The following NTF3 variants were observed in gnomAD, a reference collection of about 807,000 sequenced individuals.
NTF3 encodes neurotrophin 3, also known as neurotrophin-3.
Under a neutral mutation model 26.3 loss-of-function variants are expected in NTF3, and 8 were observed. The observed-to-expected ratio is 0.30, with a 90% CI of 0.18 to 0.55. The LOEUF is 0.55. Ranked by LOEUF, NTF3 falls within the 20% of genes least tolerant of loss-of-function variation. The pLI is 0.93. For synonymous variants in NTF3, 154 were observed against 145.5 expected, an observed-to-expected ratio of 1.06 and a Z score of -0.42; for missense variants, 276 against 352.9, an observed-to-expected ratio of 0.78 and a Z score of 1.75.
rs1281896665 is a variant in NTF3, at chr12:5,481,518, GCA to G, written c.19-12667_19-12666del. 2.5e-4 allele frequency among the ~76,000 whole-genome samples: 3 copies of G among 11,908 alleles called. No individual in the cohort carries two copies. In the Admixed American group the frequency reaches 2.7e-3, roughly 11 times the overall value. The allele number at this position is 11,908 out of a possible 152,430, so 7.8% of individuals were successfully genotyped here. On this transcript the variant is annotated intron_variant, in intron 1 of 1. Coordinates refer to ENST00000423158, the MANE Select transcript of NTF3 (RefSeq NM_001102654.2). ...GATACACAGAATACCACACACACAT[GCA>G]CACACACAGACACATTCACAGAATA...
chr12:5,432,110 T>TGAA lies in NTF3; in HGVS notation c.-215_-214insGAA, dbSNP rs1940098869. On this transcript the variant is annotated 5_prime_UTR_variant, in exon 1 of 2. Coordinates refer to ENST00000423158, the MANE Select transcript of NTF3 (RefSeq NM_001102654.2). ...ACCGCGCAGATTCTGTTCACGGGAC[T>TGAA]CAGAGTTGAAGCTCCTCTCCCTTCC... 1.6e-6 allele frequency: 1 copy of TGAA among 631,824 alleles called. No individual in the cohort carries two copies. Among genetic ancestry groups the TGAA allele is most frequent in the African/African-American group, 1.8e-5 (1 of 55,228 alleles). 39.1% of individuals were successfully genotyped at this position (631,824 alleles called of 1,614,324 possible).
chr12:5,480,207 G>A (rs963290568), intron 1 of NTF3, among the ~76,000 whole-genome samples: 4 of 152,154 alleles, frequency 2.6e-5, no homozygotes, highest in African/African-American at 9.7e-5. Flanking sequence ...GATGCATCAG[G>A]AGGGTGGAGG....
intron 1 of NTF3, among the ~76,000 whole-genome samples, chr12:5,475,924 GAGAGAAAAAGAA>G (rs372334927): frequency 0.011 from 1,614 of 151,664 alleles, 19 homozygotes; most frequent in African/African-American, 0.036. Flanking sequence ...AAGAGAGAAA[GAGAGAAAAAGAA>G]AGAGAAAAGA....
chr12:5,441,034 C>T (rs888883804), intron 1 of NTF3, among the ~76,000 whole-genome samples: 40 of 152,118 alleles, frequency 2.6e-4, no homozygotes, highest in African/African-American at 8.7e-4. Flanking sequence ...TGGGAGTATG[C>T]GAGAGGTTTA....
In NTF3 at chr12:5,471,916, C is replaced by T. The variant is rs150934388; in HGVS notation, c.19-22278C>T. The stretch of plus-strand genomic sequence containing the variant: ...ATCTCCCACATGTGCATCATGCCTG[C>T]GAGTCTCATGCAGAGATGTCTTATG... On this transcript the variant is annotated intron_variant, in intron 1 of 1. Coordinates refer to ENST00000423158, the MANE Select transcript of NTF3 (RefSeq NM_001102654.2). 2.1e-3 allele frequency among the ~76,000 whole-genome samples: 313 copies of T among 152,110 alleles called. 1 individual carries two copies. Among genetic ancestry groups the T allele is most frequent in the African/African-American group, 6.9e-3 (285 of 41,502 alleles).
chr12:5,445,288 A>AT (rs1555069150), intron 1 of NTF3, among the ~76,000 whole-genome samples: 1 of 101,456 alleles, frequency 9.9e-6, no homozygotes, highest in African/African-American at 3.4e-5. Context: ...GGATTAAATG[A>AT]TGTGTGTGTG....
chr12:5,440,397 A>T (rs759145663), intron 1 of NTF3, among the ~76,000 whole-genome samples: 6 of 152,106 alleles, frequency 3.9e-5, no homozygotes, highest in Non-Finnish European at 5.9e-5. Context: ...CTGTTTCTAG[A>T]TCTAAGACCC....
intron 1 of NTF3, among the ~76,000 whole-genome samples, chr12:5,487,303 A>G (rs886245768): frequency 1.4e-4 from 21 of 152,192 alleles, no homozygotes; most frequent in African/African-American, 5.1e-4. Flanking sequence ...TCGGGGCCAG[A>G]GGAGGGTATG....
At chr12:5,444,649 G>A (rs945102535) in intron 1 of NTF3, among the ~76,000 whole-genome samples, 2 of 152,052 alleles carry the variant, frequency 1.3e-5, no homozygotes, top group Non-Finnish European at 2.9e-5. Context: ...AGAGGTGGGC[G>A]GGAGCCAACT....
chr12:5,460,104 C>T (rs1045345366), intron 1 of NTF3, among the ~76,000 whole-genome samples: 2 of 152,096 alleles, frequency 1.3e-5, no homozygotes, highest in African/African-American at 2.4e-5. Context: ...ATAACTCCTC[C>T]CCCTCACTCC....
chr12:5,481,593 CCA>C (rs1252762740), intron 1 of NTF3, among the ~76,000 whole-genome samples: 2 of 113,490 alleles, frequency 1.8e-5, no homozygotes, highest in East Asian at 5.3e-4. Context: ...CAGAATAACA[CCA>C]CACACACATA....
chr12:5,491,356 T>G (rs980280598), intron 1 of NTF3, among the ~76,000 whole-genome samples: 2 of 151,952 alleles, frequency 1.3e-5, no homozygotes, highest in Admixed American at 1.3e-4. Flanking sequence ...TTCTAAAGAG[T>G]TTAGAAACAC....
At chr12:5,473,626 G>C (rs757166568) in intron 1 of NTF3, among the ~76,000 whole-genome samples, 2 of 152,318 alleles carry the variant, frequency 1.3e-5, no homozygotes, top group South Asian at 2.1e-4. Context: ...CTAGTAGGTG[G>C]AGTGTGAGAG....
At chr12:5,476,494 C>T (rs1392928462) in intron 1 of NTF3, among the ~76,000 whole-genome samples, 3 of 152,176 alleles carry the variant, frequency 2.0e-5, no homozygotes, top group Admixed American at 2.0e-4. Context: ...GTTCATAGGC[C>T]GCGTTTCCCT....
At chr12:5,479,441 A>G (rs75822957) in intron 1 of NTF3, among the ~76,000 whole-genome samples, 1 of 152,222 alleles carries the variant, frequency 6.6e-6, no homozygotes, top group South Asian at 2.1e-4. Context: ...GCTCTCCCTT[A>G]GGTTTACAGC....
At chr12:5,459,162 C>T (rs1940493630) in intron 1 of NTF3, among the ~76,000 whole-genome samples, 1 of 152,174 alleles carries the variant, frequency 6.6e-6, no homozygotes, top group South Asian at 2.1e-4. Context: ...GTTTGGCTCA[C>T]TAAAACCTGT....
At chr12:5,482,400 G>T (rs1940818118) in intron 1 of NTF3, among the ~76,000 whole-genome samples, 1 of 152,182 alleles carries the variant, frequency 6.6e-6, no homozygotes, top group Non-Finnish European at 1.5e-5. Context: ...TTCCCATGGT[G>T]CTGGGTCTTG....
intron 1 of NTF3, among the ~76,000 whole-genome samples, chr12:5,451,535 CAT>C (rs1194316159): frequency 1.3e-5 from 2 of 152,144 alleles, no homozygotes; most frequent in Admixed American, 6.5e-5. Flanking sequence ...GTATGTTCAA[CAT>C]AGAGAGTTAA....
chr12:5,480,140 A>T (rs1591604700), intron 1 of NTF3, among the ~76,000 whole-genome samples: 1 of 152,244 alleles, frequency 6.6e-6, no homozygotes, highest in East Asian at 1.9e-4. Flanking sequence ...AACCCACAAA[A>T]CCTTGCATGG....
Sources: allele counts gnomAD v4.1 joint callset (sites outside exome capture counted in the v4.1 genomes callset), GRCh38; gene constraint gnomAD v4.1.1; transcripts MANE v1.5; gene names NCBI Gene and HGNC (gene_info 2026-07-23, HGNC 2026-07-21).